AUTS2: variants seen among roughly 807,000 people sequenced by gnomAD.
AUTS2 encodes activator of transcription and developmental regulator AUTS2.
Under a neutral mutation model 112.4 loss-of-function variants are expected in AUTS2, and 17 were observed. The observed-to-expected ratio is 0.15, with a 90% CI of 0.10 to 0.23. The LOEUF (loss-of-function observed/expected upper bound fraction) is 0.23. Ranked by LOEUF, AUTS2 falls within the 10% of genes least tolerant of loss-of-function variation. The pLI is 1.00. For synonymous variants in AUTS2, 751 were observed against 702.7 expected (o/e 1.07, Z -1.09); for missense variants, 1,510 against 1,701.6 (o/e 0.89, Z 1.98).
At chr7:69,730,223 A>T (rs1246845629) in intron 1 of AUTS2, among the ~76,000 whole-genome samples, 2 of 151,748 alleles carry the variant, frequency 1.3e-5, no homozygotes, top group African/African-American at 4.8e-5. Flanking sequence ...TGTGCCTGGC[A>T]ATATGTAACC....
chr7:69,860,424 A>G (rs1325512475), intron 1 of AUTS2, among the ~76,000 whole-genome samples: 2 of 152,146 alleles, frequency 1.3e-5, no homozygotes, highest in Non-Finnish European at 2.9e-5. Flanking sequence ...ATAACTTGAT[A>G]TATTCTTATG....
chr7:69,896,924 A>T (rs1353347309), intron 1 of AUTS2, among the ~76,000 whole-genome samples: 4 of 152,078 alleles, frequency 2.6e-5, no homozygotes. Context: ...CATTTCCCTT[A>T]GTTTTAGCAC....
intron 4 of AUTS2, among the ~76,000 whole-genome samples, chr7:70,173,787 G>A (rs1007412261): frequency 9.0e-5 from 13 of 144,952 alleles, no homozygotes; most frequent in Non-Finnish European, 1.6e-4. Flanking sequence ...GATCTTTGAT[G>A]TTACTATTTT....
At chr7:69,937,742 T>G (rs1167256699) in intron 2 of AUTS2, among the ~76,000 whole-genome samples, 2 of 152,210 alleles carry the variant, frequency 1.3e-5, no homozygotes, top group African/African-American at 4.8e-5. Context: ...TCTTTACCTC[T>G]CTGAAGAGAA....
chr7:69,776,138 A>T (rs1584229871), intron 1 of AUTS2, among the ~76,000 whole-genome samples: 2 of 152,212 alleles, frequency 1.3e-5, no homozygotes, highest in Admixed American at 6.5e-5. Context: ...GGTCAGGCAC[A>T]GTTATAGCTT....
chr7:70,368,651 G>A (rs569541163), intron 4 of AUTS2, among the ~76,000 whole-genome samples: 2 of 152,310 alleles, frequency 1.3e-5, no homozygotes, highest in East Asian at 3.9e-4. Context: ...CTCGGTATTT[G>A]CCTCTGCAGT....
chr7:70,378,743 A>G (rs1305911699), intron 4 of AUTS2, among the ~76,000 whole-genome samples: 1 of 152,254 alleles, frequency 6.6e-6, no homozygotes, highest in African/African-American at 2.4e-5. Flanking sequence ...TTTCCATTGC[A>G]TGATGTCACT....
chr7:70,108,934 G>T (rs1292911099), intron 2 of AUTS2, among the ~76,000 whole-genome samples: 2 of 152,056 alleles, frequency 1.3e-5, no homozygotes, highest in Non-Finnish European at 2.9e-5. Flanking sequence ...TTTTTGGTCA[G>T]TGGGAACCCC....
intron 4 of AUTS2, among the ~76,000 whole-genome samples, chr7:70,188,110 A>T (rs940851721): frequency 6.6e-6 from 1 of 152,254 alleles, no homozygotes; most frequent in Non-Finnish European, 1.5e-5. Context: ...TAGTCATAAT[A>T]CACTGACAAT....
At chr7:70,305,316 A>G (rs765247482) in intron 4 of AUTS2, among the ~76,000 whole-genome samples, 114 of 152,268 alleles carry the variant, frequency 7.5e-4, no homozygotes, top group Non-Finnish European at 1.4e-3. Flanking sequence ...TGTTGCCACC[A>G]GTGATATATG....
chr7:70,076,246 T>A (rs551787403), intron 2 of AUTS2, among the ~76,000 whole-genome samples: 16 of 152,174 alleles, frequency 1.1e-4, no homozygotes, highest in African/African-American at 2.9e-4. Flanking sequence ...AAGCATCGCA[T>A]TAAAATCTTC....
intron 4 of AUTS2, among the ~76,000 whole-genome samples, chr7:70,283,843 G>T (rs1433652875): frequency 6.6e-6 from 1 of 152,042 alleles, no homozygotes; most frequent in African/African-American, 2.4e-5. Flanking sequence ...TTTAAAAAAG[G>T]AAAGAAAGGA....
At chr7:69,911,415 G>A (rs1236025844) in intron 2 of AUTS2, among the ~76,000 whole-genome samples, 2 of 152,180 alleles carry the variant, frequency 1.3e-5, no homozygotes, top group South Asian at 2.1e-4. Flanking sequence ...TAACTGCAAC[G>A]TGGCGAGCAG....
chr7:70,081,965 T>C (rs12698844), intron 2 of AUTS2, among the ~76,000 whole-genome samples: 16,424 of 127,860 alleles, frequency 0.13, 915 homozygotes, highest in East Asian at 0.16. Context: ...TGTGTGTGTG[T>C]GCGCGCGCCT....
chr7:70,110,473 G>A (rs138102434), intron 2 of AUTS2, among the ~76,000 whole-genome samples: 4 of 152,254 alleles, frequency 2.6e-5, no homozygotes, highest in Admixed American at 2.6e-4. Context: ...CCGAGATCGC[G>A]CCATTGGACT....
chr7:70,579,192 G>C (rs1375337753), intron 5 of AUTS2, among the ~76,000 whole-genome samples: 1 of 135,774 alleles, frequency 7.4e-6, no homozygotes, highest in Admixed American at 8.3e-5. Flanking sequence ...GCCTCCACAA[G>C]TGTTGAGGTT....
chr7:69,879,696 ATAACT>A (rs921673315), intron 1 of AUTS2, among the ~76,000 whole-genome samples: 2 of 152,222 alleles, frequency 1.3e-5, no homozygotes, highest in African/African-American at 4.8e-5. Context: ...AAAATGTTAA[ATAACT>A]TACCTAGTGA....
chr7:70,208,859 G>C (rs919526943), intron 4 of AUTS2, among the ~76,000 whole-genome samples: 1 of 151,852 alleles, frequency 6.6e-6, no homozygotes, highest in Non-Finnish European at 1.5e-5. Context: ...GAAAAAGGCC[G>C]GTGTGGCTGG....
At chr7:70,231,374 C>G (rs931521221) in intron 4 of AUTS2, among the ~76,000 whole-genome samples, 1 of 152,160 alleles carries the variant, frequency 6.6e-6, no homozygotes, top group Non-Finnish European at 1.5e-5. Flanking sequence ...TAGTTTCATC[C>G]CAGAGTTAAC....
Sources: gnomAD v4.1 joint callset for allele counts (sites outside exome capture counted in the v4.1 genomes callset) on GRCh38, gnomAD v4.1.1 for gene constraint, MANE v1.5 for transcripts, NCBI Gene and HGNC (gene_info 2026-07-23, HGNC 2026-07-21) for gene names.